The following PROM1 variants were observed in gnomAD, a reference collection of about 807,000 sequenced individuals.
PROM1 encodes prominin-1.
In PROM1, 105 loss-of-function variants were observed where a neutral mutation model predicts 116.9. The observed-to-expected ratio is 0.90, with a 90% confidence interval of 0.77 to 1.06. The LOEUF (loss-of-function observed/expected upper bound fraction) is 1.06, where lower values mean the gene tolerates loss of function less well. PROM1 is among the 50% of genes least tolerant of loss of function. The pLI, the probability that PROM1 is intolerant of heterozygous loss-of-function variation, is 0.00. For missense variants in PROM1, 1,122 were observed against 1,045.2 expected (o/e 1.07, Z -1.01); for synonymous variants, 393 against 387.0 (o/e 1.02, Z -0.18).
intron 13 of PROM1, among the ~76,000 whole-genome samples, chr4:16,005,042 A>G (rs1725049252): frequency 6.9e-6 from 1 of 145,944 alleles, no homozygotes; most frequent in Non-Finnish European, 1.5e-5. Context: ...GGCTCACTGT[A>G]ACCTTTGCCT....
At chr4:16,020,749 A>G (rs775783208) in intron 8 of PROM1, among the ~76,000 whole-genome samples, 9 of 152,226 alleles carry the variant, frequency 5.9e-5, no homozygotes, top group Non-Finnish European at 1.2e-4. Context: ...GTTCATAGCC[A>G]TTCTAGCCCA....
intron 1 of PROM1, among the ~76,000 whole-genome samples, chr4:16,078,592 CAAGAGCAAG>C (rs1744429874): frequency 6.6e-6 from 1 of 152,212 alleles, no homozygotes; most frequent in African/African-American, 2.4e-5. Context: ...TGTCCTGGAG[CAAGAGCAAG>C]CTGCTGTCAC....
At chr4:16,046,101 T>C (rs984153156) in intron 2 of PROM1, among the ~76,000 whole-genome samples, 1 of 152,214 alleles carries the variant, frequency 6.6e-6, no homozygotes, top group African/African-American at 2.4e-5. Flanking sequence ...AAGATCTCAG[T>C]AGAATCTCCA....
At chr4:15,987,101 C>T (rs2240686) in intron 20 of PROM1, among the ~76,000 whole-genome samples, 2 of 152,174 alleles carry the variant, frequency 1.3e-5, no homozygotes, top group Non-Finnish European at 2.9e-5. Context: ...CCCAGCCAGA[C>T]GACGATGTGT....
chr4:16,077,065 C>T (rs941544277), intron 1 of PROM1, among the ~76,000 whole-genome samples: 35 of 152,324 alleles, frequency 2.3e-4, no homozygotes, highest in Middle Eastern at 3.4e-3. Context: ...ACCTGACTGT[C>T]CCCCAGCCCG....
chr4:16,078,343 G>A (rs2149599498), intron 1 of PROM1: 1 of 152,424 alleles, frequency 6.6e-6, no homozygotes, highest in East Asian at 1.9e-4. Flanking sequence ...ACCAATGCAT[G>A]TAACCTGCCT....
intron 5 of PROM1, among the ~76,000 whole-genome samples, chr4:16,032,483 A>T (rs543552227): frequency 2.9e-4 from 44 of 152,346 alleles, no homozygotes; most frequent in African/African-American, 1.0e-3. Flanking sequence ...GTTTGGAGAA[A>T]CAACAAAGAG....
chr4:15,983,856 A>G (rs1718594615), intron 23 of PROM1, among the ~76,000 whole-genome samples: 1 of 152,188 alleles, frequency 6.6e-6, no homozygotes, highest in Non-Finnish European at 1.5e-5. Context: ...ATTAAGCCTG[A>G]CTAACTGGAA....
At chr4:16,013,547 G>A (rs141578191) in intron 10 of PROM1, among the ~76,000 whole-genome samples, 2 of 152,272 alleles carry the variant, frequency 1.3e-5, no homozygotes, top group East Asian at 1.9e-4. Context: ...ATCAAAGGTC[G>A]TGTTAGAAGT....
In PROM1 at chr4:16,033,352, A is replaced by T; in HGVS notation, c.461T>A (p.Leu154Gln). Reference sequence around the variant, plus strand: ...CAGGGAGATTGCAAAGCATTTCCTCAGGAAGGGCCCATTTTCCTTCTGTCG... The same window carrying T: ...CAGGGAGATTGCAAAGCATTTCCTCTGGAAGGGCCCATTTTCCTTCTGTCG... ...HQRQKENGPF[L>Q]RKCFAISLLV... is the part of the protein sequence containing the mutation. Residue 154 changes from leucine (L) to glutamine (Q), a missense_variant, in exon 5 of 28, where the codon CTG (leucine) becomes CAG (glutamine). Leu to Gln is a moderately radical substitution (Grantham distance 113). Transcript: ENST00000447510. 6.2e-7 allele frequency: 1 copy of T among 1,613,936 alleles called. No homozygotes were observed. Among genetic ancestry groups the T allele is most frequent in the Non-Finnish European group, 8.5e-7 (1 of 1,179,848 alleles).
chr4:15,977,954 CT>C (rs1185417186), intron 26 of PROM1, among the ~76,000 whole-genome samples: 2 of 152,116 alleles, frequency 1.3e-5, no homozygotes, highest in Non-Finnish European at 2.9e-5. Context: ...TGTTTGTGCA[CT>C]CTTAAAATTC....
chr4:16,078,008 G>C (rs1744305089), intron 1 of PROM1: 1 of 152,250 alleles, frequency 6.6e-6, no homozygotes. Flanking sequence ...AGCTTACCAA[G>C]TAATCCTGAT....
rs139865106 is a variant in PROM1, at chr4:16,057,472, C to T, written c.220+18215G>A. On this transcript the variant is annotated intron_variant, in intron 2 of 27. Transcript: ENST00000447510. ...TGAAGTAATCAACGCTAAGGAAAAA[C>T]CAAATGTGAACAGTCACATCACCAC... 1.9e-3 allele frequency among the ~76,000 whole-genome samples: 286 copies of T among 152,338 alleles called. 3 individuals are homozygous for T. The highest frequency in any genetic ancestry group is 6.4e-3 in the African/African-American group (266 of 41,576).
Position 16,018,371 on chromosome 4 carries a change from G to A in PROM1, c.954C>T (p.Ser318=). 1 of 1,613,732 alleles carries A rather than the reference G, an allele frequency of 6.2e-7. No individual in the cohort carries two copies. Among genetic ancestry groups the A allele is most frequent in the African/African-American group, 1.3e-5 (1 of 75,044 alleles). The part of the protein sequence containing the change: ...LVHPSSETCN[S]IRLSLSQLNS... ...TCAGCTGGCTTAGAGACAATCTGAT[G>A]CTGTTGCAGGTTTCACTTGATGGAT... is the stretch of plus-strand genomic sequence containing the variant. The change falls in exon 9 of 28, where the codon AGC becomes AGT. Residue 318 remains serine (S), a synonymous_variant. Coordinates refer to ENST00000447510, the MANE Select transcript of PROM1 (RefSeq NM_006017.3).
chr4:15,972,784 C>G (rs1714928944), intron 26 of PROM1, among the ~76,000 whole-genome samples: 1 of 152,206 alleles, frequency 6.6e-6, no homozygotes, highest in African/African-American at 2.4e-5. Flanking sequence ...CAATACATGA[C>G]ATCTGAGACT....
chr4:16,074,819 C>T (rs1226864674), intron 2 of PROM1, among the ~76,000 whole-genome samples: 1 of 152,198 alleles, frequency 6.6e-6, no homozygotes, highest in Non-Finnish European at 1.5e-5. Context: ...CATGTACACA[C>T]ACCAGTAGGA....
chr4:16,016,589 G>C (rs779629679), intron 9 of PROM1, among the ~76,000 whole-genome samples: 1 of 152,150 alleles, frequency 6.6e-6, no homozygotes, highest in African/African-American at 2.4e-5. Context: ...AAGCAATGTA[G>C]TCAGTGGTTA....
chr4:15,979,553 T>C (rs191130364), intron 25 of PROM1, 90 bp from the exon 26 acceptor site: 27 of 1,456,686 alleles, frequency 1.9e-5, no homozygotes, highest in Middle Eastern at 2.2e-4. Flanking sequence ...GTAATGGTCA[T>C]GAAAAGTATG....
chr4:16,069,674 A>T (rs1290630316), intron 2 of PROM1, among the ~76,000 whole-genome samples: 4 of 152,174 alleles, frequency 2.6e-5, no homozygotes, highest in Non-Finnish European at 5.9e-5. Flanking sequence ...TGTAAGAAAT[A>T]ATATCACCAC....
Sources: allele counts gnomAD v4.1 joint callset (sites outside exome capture counted in the v4.1 genomes callset), GRCh38; gene constraint gnomAD v4.1.1; transcripts MANE v1.5; gene names NCBI Gene and HGNC (gene_info 2026-07-23, HGNC 2026-07-21).